Variants in MMUT observed in about 807,000 individuals in gnomAD.
MMUT encodes the protein methylmalonyl-CoA mutase.
In MMUT, 79 loss-of-function variants were observed where a neutral mutation model predicts 79.9. That is an observed-to-expected ratio of 0.99 (90% confidence interval 0.82 to 1.19). The LOEUF is 1.19. Among genes scored for constraint, MMUT ranks in the 50% most tolerant of loss-of-function variants. The pLI is 0.00. For synonymous variants in MMUT, 273 were observed against 295.7 expected (o/e 0.92, Z 0.79); for missense variants, 860 against 917.2 (o/e 0.94, Z 0.81).
In MMUT at chr6:49,457,736, T is replaced by C; in HGVS notation, c.708A>G (p.Glu236=). The C allele has an allele frequency of 6.2e-7, 1 of 1,612,800 alleles. No homozygotes were observed. The highest frequency in any genetic ancestry group is 8.5e-7 in the Non-Finnish European group (1 of 1,179,230). The change falls in exon 3 of 13, where the codon GAA becomes GAG. Residue 236 remains glutamate, a synonymous_variant. Transcript: ENST00000274813. ...MVRNTYIFPP[E]PSMKIIADIF... is the part of the protein sequence containing the mutation. The stretch of plus-strand genomic sequence containing the variant: ...TGTCAGCAATAATTTTCATGGATGG[T>C]TCTGGAGGAAAAATGTATGTATTTC...
chr6:49,454,981 G>A (rs1194397459), intron 4 of MMUT, among the ~76,000 whole-genome samples: 2 of 152,110 alleles, frequency 1.3e-5, no homozygotes, highest in Admixed American at 6.5e-5. Flanking sequence ...GGCAGGCTGA[G>A]GCTGCAATGA....
intron 9 of MMUT, among the ~76,000 whole-genome samples, chr6:49,444,293 C>T (rs978457933): frequency 1.3e-5 from 2 of 152,072 alleles, no homozygotes; most frequent in Non-Finnish European, 2.9e-5. Context: ...CCCCACCCCA[C>T]AGCCATTTTA....
At chr6:49,448,107 G>A (rs976772902) in intron 7 of MMUT, among the ~76,000 whole-genome samples, 2 of 151,960 alleles carry the variant, frequency 1.3e-5, no homozygotes, top group African/African-American at 4.8e-5. Flanking sequence ...ATAAGGTAGA[G>A]AATGAATACC....
At chr6:49,452,613 C>A (rs898343925) in intron 5 of MMUT, among the ~76,000 whole-genome samples, 1 of 152,138 alleles carries the variant, frequency 6.6e-6, no homozygotes, top group Non-Finnish European at 1.5e-5. Context: ...GATTTACAGG[C>A]GTGAGCCACT....
chr6:49,444,483 A>T (rs989055381), intron 9 of MMUT, among the ~76,000 whole-genome samples, 156 bp downstream of exon 9: 19 of 152,152 alleles, frequency 1.2e-4, no homozygotes, highest in African/African-American at 4.6e-4. Flanking sequence ...AAATACAGAA[A>T]TTTTAAAATG....
intron 8 of MMUT, among the ~76,000 whole-genome samples, 197 bp downstream of exon 8, chr6:49,447,473 G>A (rs928085258): frequency 2.0e-5 from 3 of 151,668 alleles, no homozygotes; most frequent in Non-Finnish European, 3.0e-5. Context: ...GACTAAGACT[G>A]AGTCCTGGTT....
chr6:49,447,558 C>A, intron 8 of MMUT, 112 bp downstream of exon 8: 1 of 669,636 alleles, frequency 1.5e-6, no homozygotes, highest in Admixed American at 2.6e-5. Context: ...GAAATTAATA[C>A]ACACCTCATG....
Position 49,457,802 on chromosome 6 carries a change from A to G in MMUT, c.642T>C (p.Thr214=). Residue 214 remains threonine (T), a synonymous_variant, in exon 3 of 13, where the codon ACT becomes ACC. Transcript: ENST00000274813. ...TTAGTATATCATTTTGGATGGTACC[A>G]GTAAGCTTCTCTTTAGGTACACCTT... ...EEQGVPKEKL[T]GTIQNDILKE... is the part of the protein sequence containing the mutation. The G allele has an allele frequency of 6.2e-7, 1 of 1,613,600 alleles. No individual in the cohort carries two copies. Among genetic ancestry groups the G allele is most frequent in the Non-Finnish European group, 8.5e-7 (1 of 1,179,508 alleles).
At chr6:49,455,496 T>C (rs1767663180) in intron 4 of MMUT, among the ~76,000 whole-genome samples, 2 of 152,220 alleles carry the variant, frequency 1.3e-5, no homozygotes, top group South Asian at 4.1e-4. Flanking sequence ...GAAGCTATGT[T>C]TTCTACATGT....
Position 49,435,401 on chromosome 6 carries a change from C to T in MMUT, c.2124+55G>A. 6 of 1,487,636 alleles carry T rather than the reference C, an allele frequency of 4.0e-6. No individual in the cohort carries two copies. In the South Asian group the frequency reaches 6.8e-5, roughly 17 times the overall value. The allele number at this position is 1,487,636 out of a possible 1,614,324, so 92.2% of individuals were successfully genotyped here. A position where few individuals can be genotyped will look rare whatever the true frequency, so the allele number is the denominator to read the frequency against. ...GTTTATCTTTAGAACCACAAATAAGCTATCATTACTCAAGATTCCCATCAC... is the reference window on the plus strand; with the variant it reads ...GTTTATCTTTAGAACCACAAATAAGTTATCATTACTCAAGATTCCCATCAC... On this transcript the variant is annotated intron_variant, in intron 12 of 12. Transcript: ENST00000274813.
intron 11 of MMUT, among the ~76,000 whole-genome samples, chr6:49,436,739 G>A (rs1487105127): frequency 6.6e-6 from 1 of 151,908 alleles, no homozygotes; most frequent in Non-Finnish European, 1.5e-5. Flanking sequence ...ACACACTAAA[G>A]AATACTATGC....
rs1581836281 is a variant in MMUT at position 49,459,301 on chromosome 6, G to A, written c.166C>T (p.Pro56Ser). Residue 56 changes from proline (P) to serine (S), a missense_variant, in exon 2 of 13, where the codon CCA (proline) becomes TCA (serine). Coordinates refer to ENST00000274813, the MANE Select transcript of MMUT (RefSeq NM_000255.4). ...LAKKQLKGKN[P>S]EDLIWHTPEG... ...GGGGTGTGCCATATTAGGTCTTCTG[G>A]GTTTTTGCCTTTCAGCTGCTTTTTA... 1 of 1,614,058 alleles carries A rather than the reference G, an allele frequency of 6.2e-7. No individual in the cohort carries two copies. The highest frequency in any genetic ancestry group is 8.5e-7 in the Non-Finnish European group (1 of 1,180,002).
Position 49,451,635 on chromosome 6 carries a change from T to C in MMUT, c.1163A>G (p.Asn388Ser). The C allele has an allele frequency of 6.2e-7, 1 of 1,614,166 alleles. No individual in the cohort carries two copies. Among genetic ancestry groups the C allele is most frequent in the Non-Finnish European group, 8.5e-7 (1 of 1,180,006 alleles). The change falls in exon 6 of 13, where the codon AAT becomes AGT. Residue 388 changes from asparagine to serine, a missense_variant. Asn to Ser is a conservative substitution (Grantham distance 46). Transcript: ENST00000274813. ...CAAACCCAAAGCTTCATCAAAAGAA[T>C]TTGTGTGCAAAGACTGAGTCCCTCC... ...VFGGTQSLHT[N>S]SFDEALGLPT...
Position 49,459,217 on chromosome 6 carries a change from C to T in MMUT, c.250G>A (p.Glu84Lys). Residue 84 changes from glutamate (E) to lysine (K), a missense_variant, in exon 2 of 13, where the codon GAA (glutamate) becomes AAA (lysine). Coordinates refer to ENST00000274813, the MANE Select transcript of MMUT (RefSeq NM_000255.4). ...SKRDTMDLPE[E>K]LPGVKPFTRG... ...GTGAATGGCTTCACTCCTGGAAGTT[C>T]TTCAGGTAAGTCCATAGTATCTCTC... 1 of 1,614,170 alleles carries T rather than the reference C, an allele frequency of 6.2e-7. No homozygotes were observed. The highest frequency in any genetic ancestry group is 8.5e-7 in the Non-Finnish European group (1 of 1,180,026).
At chr6:49,436,001 T>C (rs1767114728) in intron 11 of MMUT, among the ~76,000 whole-genome samples, 1 of 152,120 alleles carries the variant, frequency 6.6e-6, no homozygotes. Flanking sequence ...GACATACATG[T>C]GGCCAACAAT....
intron 6 of MMUT, among the ~76,000 whole-genome samples, chr6:49,450,693 C>G (rs1440858145): frequency 6.6e-6 from 1 of 152,040 alleles, no homozygotes; most frequent in Non-Finnish European, 1.5e-5. Context: ...AAAGACATTC[C>G]CAAACAGGAA....
chr6:49,435,399 A>G, intron 12 of MMUT, 57 bp downstream of exon 12: 1 of 1,480,758 alleles, frequency 6.8e-7, no homozygotes, highest in Non-Finnish European at 9.4e-7. Context: ...ACCACAAATA[A>G]GCTATCATTA....
intron 11 of MMUT, among the ~76,000 whole-genome samples, 157 bp downstream of exon 11, chr6:49,440,049 C>G (rs749170704): frequency 6.6e-6 from 1 of 152,194 alleles, no homozygotes; most frequent in Non-Finnish European, 1.5e-5. Flanking sequence ...GCCTTATGGG[C>G]AGGAATGGAG....
In MMUT at chr6:49,435,500, G is replaced by A. The variant is rs777758903; in HGVS notation, c.2080C>T (p.Arg694Trp). Reference sequence around the variant, plus strand: ...CCACACATGACAAGAATATCTGGCCGTCCAAGGGAGTTAAGTTCTTTGATG... The same window carrying A: ...CCACACATGACAAGAATATCTGGCCATCCAAGGGAGTTAAGTTCTTTGATG... Reference protein sequence around the residue: ...ELIKELNSLGRPDILVMCGGV... With the variant: ...ELIKELNSLGWPDILVMCGGV... Residue 694 changes from arginine to tryptophan, a missense_variant, in exon 12 of 13, where the codon CGG (arginine) becomes TGG (tryptophan). Physicochemically the swap from Arg to Trp is moderately radical, Grantham distance 101 (BLOSUM62 -3). Coordinates refer to ENST00000274813, the MANE Select transcript of MMUT (RefSeq NM_000255.4). 42 of 1,613,998 alleles carry A rather than the reference G, an allele frequency of 2.6e-5. No homozygotes were observed. The highest frequency in any genetic ancestry group is 5.5e-5 in the South Asian group (5 of 91,084).
Sources: allele counts gnomAD v4.1 joint callset (sites outside exome capture counted in the v4.1 genomes callset), GRCh38; gene constraint gnomAD v4.1.1; transcripts MANE v1.5; gene names NCBI Gene and HGNC (gene_info 2026-07-23, HGNC 2026-07-21).